Variants in NKAIN3 observed in about 807,000 individuals in gnomAD.
The protein encoded by NKAIN3 is sodium/potassium-transporting ATPase subunit beta-1-interacting protein 3.
Under a neutral mutation model 30.2 loss-of-function variants are expected in NKAIN3, and 25 were observed. That is an observed-to-expected ratio of 0.83 (90% CI 0.60 to 1.16). NKAIN3 has a LOEUF of 1.16. NKAIN3 is among the 50% of genes most tolerant of loss of function. NKAIN3 has a pLI of 0.00. For missense variants in NKAIN3, 225 were observed against 254.1 expected, an observed-to-expected ratio of 0.89 and a Z score of 0.78; for synonymous variants, 91 against 89.6, an observed-to-expected ratio of 1.02 and a Z score of -0.09.
chr8:62,569,568 G>C (rs1351936226), intron 1 of NKAIN3, among the ~76,000 whole-genome samples: 1 of 151,974 alleles, frequency 6.6e-6, no homozygotes, highest in African/African-American at 2.4e-5. Flanking sequence ...TTGAGGCCAG[G>C]ACTTTGAGAA....
At chr8:62,268,044 A>G (rs1275499675) in intron 1 of NKAIN3, among the ~76,000 whole-genome samples, 1 of 152,196 alleles carries the variant, frequency 6.6e-6, no homozygotes, top group Non-Finnish European at 1.5e-5. Context: ...GACAATGGGT[A>G]TTTATTAATA....
intron 1 of NKAIN3, among the ~76,000 whole-genome samples, chr8:62,575,787 A>T (rs907157293): frequency 1.3e-5 from 2 of 152,150 alleles, no homozygotes; most frequent in African/African-American, 4.8e-5. Flanking sequence ...ATGGAACAGC[A>T]TAGAGAATCC....
intron 4 of NKAIN3, among the ~76,000 whole-genome samples, chr8:62,868,313 G>T: frequency 6.7e-6 from 1 of 149,916 alleles, no homozygotes. Flanking sequence ...TTCTTTTCAT[G>T]GTTTCTTCTT....
At chr8:62,693,116 A>G (rs953524672) in intron 3 of NKAIN3, among the ~76,000 whole-genome samples, 6 of 152,176 alleles carry the variant, frequency 3.9e-5, no homozygotes, top group African/African-American at 1.4e-4. Flanking sequence ...TGTTATCAGT[A>G]TCTGAATGCT....
intron 4 of NKAIN3, among the ~76,000 whole-genome samples, chr8:62,801,176 C>G (rs1331530046): frequency 6.6e-6 from 1 of 152,234 alleles, no homozygotes; most frequent in Admixed American, 6.5e-5. Flanking sequence ...GTAGGCTCCA[C>G]CTCTGGGGGC....
chr8:62,757,935 G>A (rs891424200), intron 4 of NKAIN3, among the ~76,000 whole-genome samples: 7 of 152,180 alleles, frequency 4.6e-5, no homozygotes, highest in African/African-American at 1.7e-4. Flanking sequence ...GAGTCCTGAA[G>A]TAAGGAGGCT....
At chr8:62,838,154 T>TATA (rs1819426970) in intron 4 of NKAIN3, among the ~76,000 whole-genome samples, 1 of 151,526 alleles carries the variant, frequency 6.6e-6, no homozygotes, top group African/African-American at 2.4e-5. Context: ...TGTGTGTGTA[T>TATA]ATAAAATGAG....
chr8:62,304,486 C>T (rs959032835), intron 1 of NKAIN3, among the ~76,000 whole-genome samples: 11 of 150,188 alleles, frequency 7.3e-5, no homozygotes, highest in Non-Finnish European at 1.3e-4. Flanking sequence ...TGTGATATTT[C>T]GATACATGAA....
chr8:62,677,952 T>G (rs921036322), intron 3 of NKAIN3, among the ~76,000 whole-genome samples: 4 of 152,210 alleles, frequency 2.6e-5, no homozygotes, highest in African/African-American at 9.6e-5. Flanking sequence ...TTGACTCGAT[T>G]GCTAGTTTTA....
intron 1 of NKAIN3, among the ~76,000 whole-genome samples, chr8:62,484,528 G>C (rs1204207239): frequency 6.6e-6 from 1 of 152,134 alleles, no homozygotes; most frequent in Non-Finnish European, 1.5e-5. Context: ...TTGCATCTTG[G>C]TTTTGAGCAT....
chr8:62,721,106 T>G (rs1247365910), intron 3 of NKAIN3, among the ~76,000 whole-genome samples: 2 of 152,178 alleles, frequency 1.3e-5, no homozygotes, highest in Non-Finnish European at 2.9e-5. Context: ...TTCATTACTT[T>G]TTACGTAGCC....
chr8:62,355,976 A>T (rs1345030719), intron 1 of NKAIN3, among the ~76,000 whole-genome samples: 1 of 152,218 alleles, frequency 6.6e-6, no homozygotes, highest in Non-Finnish European at 1.5e-5. Flanking sequence ...GCTTTTAAAG[A>T]CAATATTTAA....
At chr8:62,434,436 G>A (rs1055252964) in intron 1 of NKAIN3, among the ~76,000 whole-genome samples, 2 of 152,132 alleles carry the variant, frequency 1.3e-5, no homozygotes, top group East Asian at 1.9e-4. Context: ...CTGCGAGGCA[G>A]GAGGATCGTT....
At chr8:62,584,998 C>T (rs1433570796) in intron 2 of NKAIN3, among the ~76,000 whole-genome samples, 1 of 152,138 alleles carries the variant, frequency 6.6e-6, no homozygotes, top group Non-Finnish European at 1.5e-5. Flanking sequence ...CTTGATTGGG[C>T]AAACAATAAA....
intron 3 of NKAIN3, among the ~76,000 whole-genome samples, chr8:62,638,081 A>G (rs1278459756): frequency 1.3e-5 from 2 of 152,174 alleles, no homozygotes; most frequent in South Asian, 2.1e-4. Flanking sequence ...AATCTTGGAA[A>G]TGTGACTTCC....
intron 1 of NKAIN3, among the ~76,000 whole-genome samples, chr8:62,253,370 GT>G (rs1812169585): frequency 6.6e-6 from 1 of 152,162 alleles, no homozygotes; most frequent in South Asian, 2.1e-4. Context: ...GAGTCCAGGA[GT>G]TCCAGATCAG....
intron 1 of NKAIN3, among the ~76,000 whole-genome samples, chr8:62,545,191 A>C (rs1424047169): frequency 6.6e-6 from 1 of 152,230 alleles, no homozygotes; most frequent in African/African-American, 2.4e-5. Flanking sequence ...ACACTAACCT[A>C]AATGTATGTA....
intron 3 of NKAIN3, among the ~76,000 whole-genome samples, chr8:62,630,985 G>T (rs896032842): frequency 6.6e-6 from 1 of 152,094 alleles, no homozygotes; most frequent in Non-Finnish European, 1.5e-5. Flanking sequence ...TCTGGAAAGA[G>T]AAATACGTTT....
chr8:62,519,076 A>G (rs1001017303), intron 1 of NKAIN3, among the ~76,000 whole-genome samples: 2 of 152,104 alleles, frequency 1.3e-5, no homozygotes, highest in Non-Finnish European at 2.9e-5. Flanking sequence ...AAATTTATAC[A>G]TAGTAAAAAA....
Sources: gnomAD v4.1 joint callset for allele counts (sites outside exome capture counted in the v4.1 genomes callset) on GRCh38, gnomAD v4.1.1 for gene constraint, MANE v1.5 for transcripts, NCBI Gene and HGNC (gene_info 2026-07-23, HGNC 2026-07-21) for gene names.